SUV39H1: variants seen among roughly 807,000 people sequenced by gnomAD.
The protein encoded by SUV39H1 is SUV39H1 histone lysine methyltransferase, also known as histone-lysine N-methyltransferase SUV39H1.
For missense variants in SUV39H1, 180 were observed against 386.3 expected, an observed-to-expected ratio of 0.47 and a Z score of 4.48; for synonymous variants, 141 against 150.5, an observed-to-expected ratio of 0.94 and a Z score of 0.46.
At position 48,698,873 on chromosome X, in the gene SUV39H1, A is replaced by T. The variant is rs782126808; in HGVS notation, c.20-29A>T. 3 of 1,201,145 alleles carry T rather than the reference A, an allele frequency of 2.5e-6. No homozygotes were observed. In the South Asian group the frequency reaches 5.4e-5, roughly 22 times the overall value. On this transcript the variant is annotated intron_variant, in intron 1 of 5. Coordinates refer to ENST00000376687, the MANE Select transcript of SUV39H1 (RefSeq NM_003173.4). ...TCCTGGCCTAGTCAGGCTGCCCAGT[A>T]ATAGTTCTTTCTGCCCCGCTTGATC...
rs782652631 is a variant in SUV39H1 at position 48,697,374 on chromosome X, T to TG, written c.19+577dup. On this transcript the variant is annotated intron_variant, in intron 1 of 5. Transcript: ENST00000376687. The stretch of plus-strand genomic sequence containing the variant: ...GGAAAGAGGGGTGACTCAGTTATGT[T>TG]GGGGGGCCCCTCTATGTGACGAAAG... 1.1e-3 allele frequency among the ~76,000 whole-genome samples: 119 copies of TG among 111,020 alleles called. No individual in the cohort carries two copies. In the South Asian group the frequency reaches 0.011, roughly 10 times the overall value.
upstream of SUV39H1, chrX:48,695,831 G>A (rs1557008450): frequency 6.9e-6 from 8 of 1,156,074 alleles, no homozygotes; most frequent in South Asian, 1.9e-5. Flanking sequence ...TGGTGGGGAT[G>A]AGTCGCCTGA....
Position 48,708,151 on chromosome X carries a change from G to T in SUV39H1, c.*581G>T. The T allele has an allele frequency of 6.4e-6, 1 of 155,884 alleles. No homozygotes were observed. The highest frequency in any genetic ancestry group is 1.2e-5 in the Non-Finnish European group (1 of 80,774). 12.8% of individuals were successfully genotyped at this position (155,884 alleles called of 1,213,427 possible). ...CAGTGCTGGGTAGTGTTGGCCCTAA[G>T]AGCTGTAGGGTCTCTTCTTCAGGGC... On this transcript the variant is annotated 3_prime_UTR_variant, in exon 6 of 6. Transcript: ENST00000376687.
intron 3 of SUV39H1, among the ~76,000 whole-genome samples, chrX:48,701,265 G>A (rs1181719264): frequency 8.9e-6 from 1 of 112,247 alleles, no homozygotes; most frequent in Non-Finnish European, 1.9e-5. Context: ...AGGACACTGG[G>A]GAAGGCCGAG....
chrX:48,698,186 G>A (rs1374136736), intron 1 of SUV39H1, among the ~76,000 whole-genome samples: 1 of 111,914 alleles, frequency 8.9e-6, no homozygotes, highest in Admixed American at 9.5e-5. Context: ...ACCATTTATG[G>A]CAAAAGTAGA....
intron 2 of SUV39H1, among the ~76,000 whole-genome samples, 159 bp from the exon 3 acceptor site, chrX:48,699,932 C>T (rs1389959935): frequency 2.7e-5 from 3 of 110,443 alleles, no homozygotes; most frequent in Non-Finnish European, 5.7e-5. Flanking sequence ...AATCCTCACT[C>T]TAGAGCCCAT....
At chrX:48,695,663 C>T, upstream of SUV39H1, 1 of 1,113,467 alleles carries the variant, frequency 9.0e-7, no homozygotes, top group African/African-American at 1.8e-5. Flanking sequence ...CTGAGAATGA[C>T]TGACGATGTG....
intron 3 of SUV39H1, among the ~76,000 whole-genome samples, chrX:48,704,583 T>C (rs1361150022): frequency 2.7e-5 from 3 of 111,798 alleles, no homozygotes; most frequent in Non-Finnish European, 3.8e-5. Context: ...GAGACTGATC[T>C]TGACATATTC....
chrX:48,700,096 G>T lies in SUV39H1; in HGVS notation c.171G>T (p.Gln57His). 9.1e-7 allele frequency: 1 copy of T among 1,096,688 alleles called. No homozygotes were observed. 90.4% of individuals were successfully genotyped at this position (1,096,688 alleles called of 1,213,427 possible). A position where few individuals can be genotyped will look rare whatever the true frequency, so the allele number is the denominator to read the frequency against. ...CCCCTACCCACCCCCAACAGGAACA[G>T]GAATATTACCTGGTGAAATGGCGTG... ...YLCDYKKIREQEYYLVKWRGY... is the reference protein window; with the variant it reads ...YLCDYKKIREHEYYLVKWRGY... Residue 57 changes from glutamine (Q) to histidine (H), a missense_variant, in exon 3 of 6, where the codon CAG becomes CAT. Physicochemically the swap from Gln to His is conservative, Grantham distance 24 (BLOSUM62 0). Coordinates refer to ENST00000376687, the MANE Select transcript of SUV39H1 (RefSeq NM_003173.4).
chrX:48,698,538 T>G (rs1352352389), intron 1 of SUV39H1, among the ~76,000 whole-genome samples: 2 of 111,524 alleles, frequency 1.8e-5, no homozygotes, highest in African/African-American at 6.5e-5. Context: ...GATGGGGGGT[T>G]GTTCTCTTTC....
intron 2 of SUV39H1, among the ~76,000 whole-genome samples, chrX:48,699,806 G>C (rs1194509607): frequency 1.8e-5 from 2 of 111,487 alleles, no homozygotes; most frequent in Non-Finnish European, 3.8e-5. Flanking sequence ...TGAACAGCTA[G>C]AAGGGAGGGA....
At position 48,707,840 on chromosome X, in the gene SUV39H1, C is replaced by T. The variant is rs782775371; in HGVS notation, c.*270C>T. The T allele has an allele frequency of 5.7e-5, 24 of 420,625 alleles. 1 individual carries two copies. The highest frequency in any genetic ancestry group is 4.7e-4 in the South Asian group (18 of 37,942). 34.7% of individuals were successfully genotyped at this position (420,625 alleles called of 1,213,427 possible). A position where few individuals can be genotyped will look rare whatever the true frequency, so the allele number is the denominator to read the frequency against. ...GTTTTTCAACATCAAGACTCTCTGT[C>T]GTTGGGATTCATGGCCTATTAAGGA... On this transcript the variant is annotated 3_prime_UTR_variant, in exon 6 of 6. Transcript: ENST00000376687.
chrX:48,707,580 G>A lies in SUV39H1; in HGVS notation c.*10G>A, dbSNP rs2062495180. On this transcript the variant is annotated 3_prime_UTR_variant, in exon 6 of 6. Transcript: ENST00000376687. ...CAAATACCTCTTCTAGCCCTTAGAA[G>A]TCTGAGGCCAGACTGACTGAGGGGG... The A allele has an allele frequency of 8.3e-7, 1 of 1,209,188 alleles. No homozygotes were observed. The highest frequency in any genetic ancestry group is 1.8e-5 in the African/African-American group (1 of 57,095).
upstream of SUV39H1, among the ~76,000 whole-genome samples, chrX:48,696,353 T>C (rs1217164794): frequency 2.7e-5 from 3 of 112,002 alleles, no homozygotes; most frequent in Admixed American, 9.4e-5. Flanking sequence ...GCCTGAGCAG[T>C]TGGATACGGC....
upstream of SUV39H1, chrX:48,696,529 G>T (rs1211564721): frequency 3.3e-6 from 1 of 307,154 alleles, no homozygotes; most frequent in Non-Finnish European, 5.7e-6. Flanking sequence ...CAGGGCCTCT[G>T]GCAACTTTAG....
At chrX:48,696,726 G>T (rs2062456789), upstream of SUV39H1, 17 of 1,123,071 alleles carry the variant, frequency 1.5e-5, no homozygotes, top group African/African-American at 1.9e-5. Flanking sequence ...GGCCACGCCC[G>T]CGCGAGCGCT....
At chrX:48,696,709 C>T (rs782059755), upstream of SUV39H1, 48 of 1,108,960 alleles carry the variant, frequency 4.3e-5, no homozygotes, top group East Asian at 1.9e-3. Flanking sequence ...ATAGGCTGCG[C>T]GTTCCCGGCC....
chrX:48,702,445 C>T (rs1384399809), intron 3 of SUV39H1, among the ~76,000 whole-genome samples: 1 of 111,383 alleles, frequency 9.0e-6, no homozygotes, highest in Non-Finnish European at 1.9e-5. Flanking sequence ...CTGACAGTAT[C>T]GGGGGAAGTG....
chrX:48,704,376 C>T (rs1421251111), intron 3 of SUV39H1, among the ~76,000 whole-genome samples: 1 of 111,190 alleles, frequency 9.0e-6, no homozygotes, highest in Non-Finnish European at 1.9e-5. Context: ...GGAGGGCCTA[C>T]GGTGAAAAAG....
Sources: gnomAD v4.1 joint callset for allele counts (sites outside exome capture counted in the v4.1 genomes callset) on GRCh38, gnomAD v4.1.1 for gene constraint, MANE v1.5 for transcripts, NCBI Gene and HGNC (gene_info 2026-07-23, HGNC 2026-07-21) for gene names.